The following PCM1 variants were observed in gnomAD, a reference collection of about 807,000 sequenced individuals.
The protein encoded by PCM1 is pericentriolar material 1.
In PCM1, 157 loss-of-function variants were observed where a neutral mutation model predicts 241.9. The observed-to-expected ratio is 0.65, with a 90% CI of 0.57 to 0.74. PCM1 has a LOEUF of 0.74. PCM1 is among the 30% of genes least tolerant of loss of function. The pLI, the probability that PCM1 is intolerant of heterozygous loss-of-function variation, is 0.00. For missense variants in PCM1, 3,478 were observed against 2,360.1 expected, an observed-to-expected ratio of 1.47 and a Z score of -9.81; for synonymous variants, 1,085 against 784.9, an observed-to-expected ratio of 1.38 and a Z score of -6.39.
intron 35 of PCM1, 22 bp from the exon 36 acceptor site, chr8:18,014,562 T>TAA: frequency 6.3e-7 from 1 of 1,582,324 alleles, no homozygotes; most frequent in Non-Finnish European, 8.6e-7. Flanking sequence ...ACACTAATGT[T>TAA]AAGACTTTCT....
chr8:17,979,551 G>T (rs1458902599), intron 23 of PCM1, among the ~76,000 whole-genome samples: 1 of 152,154 alleles, frequency 6.6e-6, no homozygotes, highest in East Asian at 1.9e-4. Context: ...CTAAGTGTTT[G>T]AGTGGGGGGT....
At chr8:17,967,741 C>T (rs760882967) in intron 21 of PCM1, among the ~76,000 whole-genome samples, 1 of 152,214 alleles carries the variant, frequency 6.6e-6, no homozygotes, top group African/African-American at 2.4e-5. Context: ...ATACTAGGCA[C>T]TGTGTAAAAC....
intron 2 of PCM1, among the ~76,000 whole-genome samples, 164 bp from the exon 3 acceptor site, chr8:17,935,425 C>T (rs1326046471): frequency 6.6e-6 from 1 of 152,124 alleles, no homozygotes; most frequent in Non-Finnish European, 1.5e-5. Flanking sequence ...CATAATATGC[C>T]TGTCACAGCT....
At chr8:18,026,351 A>G (rs1351041289) in intron 38 of PCM1, among the ~76,000 whole-genome samples, 3 of 140,176 alleles carry the variant, frequency 2.1e-5, no homozygotes, top group East Asian at 4.4e-4. Flanking sequence ...TCCGCCTCCC[A>G]GGTTCGCGCC....
chr8:17,998,280 TA>T (rs1358782516), intron 29 of PCM1, among the ~76,000 whole-genome samples: 2 of 152,070 alleles, frequency 1.3e-5, no homozygotes, highest in Admixed American at 1.3e-4. Context: ...ATTGAAGAGT[TA>T]TATATAGGCC....
In PCM1 at chr8:17,966,344, T is replaced by A; in HGVS notation, c.3092T>A (p.Leu1031Gln). The change falls in exon 20 of 39, where the codon CTA becomes CAA. Residue 1031 changes from leucine to glutamine, a missense_variant. Leu to Gln is a moderately radical substitution (Grantham distance 113). Transcript: ENST00000325083. ...TTTCAATAGACTCTATCTTGTCTGC[T>A]ACAAACTCTTCTCACGGGTCCTTAC... ...MQDQQTLSCL[L>Q]QTLLTGPYSV... 1 of 1,613,894 alleles carries A rather than the reference T, an allele frequency of 6.2e-7. No homozygotes were observed. Among genetic ancestry groups the A allele is most frequent in the South Asian group, 1.1e-5 (1 of 91,084 alleles).
chr8:17,957,725 G>A lies in PCM1; in HGVS notation c.1990G>A (p.Ala664Thr). ...TGAACAGAAGATCAACCGACTTATG[G>A]CTGCAAAACAGAAACTTAGACAGTT... is the stretch of plus-strand genomic sequence containing the variant. ...EFEQKINRLMAAKQKLRQLQD... is the reference protein window; with the variant it reads ...EFEQKINRLMTAKQKLRQLQD... Residue 664 changes from alanine to threonine, a missense_variant, in exon 13 of 39, where the codon GCT becomes ACT. Transcript: ENST00000325083. 1 of 1,613,662 alleles carries A rather than the reference G, an allele frequency of 6.2e-7. No homozygotes were observed.
intron 2 of PCM1, among the ~76,000 whole-genome samples, chr8:17,928,727 G>T (rs2057996414): frequency 6.8e-6 from 1 of 148,112 alleles, no homozygotes; most frequent in Non-Finnish European, 1.5e-5. Context: ...TGCCTCCCGG[G>T]TTCAAACGAT....
chr8:17,962,300 C>A, intron 16 of PCM1, 126 bp downstream of exon 16: 1 of 628,354 alleles, frequency 1.6e-6, no homozygotes, highest in Non-Finnish European at 2.5e-6. Flanking sequence ...TAGTAGTCTG[C>A]TTTGTGCCTT....
chr8:17,940,177 A>AT, intron 6 of PCM1: 1 of 1,267,838 alleles, frequency 7.9e-7, no homozygotes, highest in Non-Finnish European at 1.1e-6. Flanking sequence ...CTTTTTGGTA[A>AT]TTAAAGTGCT....
Position 17,985,581 on chromosome 8 carries a change from A to T in PCM1, c.4243A>T (p.Thr1415Ser), listed in dbSNP as rs1253876553. 3.1e-6 allele frequency: 5 copies of T among 1,607,996 alleles called. No homozygotes were observed. The highest frequency in any genetic ancestry group is 4.2e-6 in the Non-Finnish European group (5 of 1,176,692). The change falls in exon 25 of 39, where the codon ACA (threonine) becomes TCA (serine). Residue 1415 changes from threonine to serine, a missense_variant. Thr to Ser is a moderately conservative substitution (Grantham distance 58, BLOSUM62 1). Coordinates refer to ENST00000325083, the MANE Select transcript of PCM1 (RefSeq NM_006197.4). Reference sequence around the variant, plus strand: ...CTTCCATGAGCTGCAGCTACTAAACACAGACTACTTGAGACAGAGGGCTTT... The same window carrying T: ...CTTCCATGAGCTGCAGCTACTAAACTCAGACTACTTGAGACAGAGGGCTTT... ...ELFHELQLLN[T>S]DYLRQRALYA... is the part of the protein sequence containing the mutation.
chr8:17,952,222 C>T (rs1279773884), intron 8 of PCM1, among the ~76,000 whole-genome samples: 1 of 83,512 alleles, frequency 1.2e-5, no homozygotes, highest in Non-Finnish European at 2.3e-5. Flanking sequence ...GACTTTGTCT[C>T]AAAAATAAAT....
chr8:18,012,149 C>T (rs190622999), intron 34 of PCM1, among the ~76,000 whole-genome samples: 1 of 152,214 alleles, frequency 6.6e-6, no homozygotes, highest in East Asian at 1.9e-4. Context: ...CATGAGCCAC[C>T]ACACCCATCC....
At chr8:17,926,403 T>G (rs776951294) in intron 2 of PCM1, 1 of 152,350 alleles carries the variant, frequency 6.6e-6, no homozygotes, top group Admixed American at 6.5e-5. Context: ...ATTTGAGTGC[T>G]AGGCAACGTG....
intron 38 of PCM1, 109 bp downstream of exon 38, chr8:18,025,767 C>A: frequency 1.3e-5 from 8 of 621,846 alleles, no homozygotes; most frequent in South Asian, 2.2e-5. Flanking sequence ...GAGATTTAAG[C>A]CAAATACTAG....
intron 24 of PCM1, among the ~76,000 whole-genome samples, chr8:17,984,392 T>TAG (rs2081931407): frequency 6.6e-6 from 1 of 152,056 alleles, no homozygotes; most frequent in Non-Finnish European, 1.5e-5. Flanking sequence ...ATTTTTGTGA[T>TAG]AGTTCATACC....
In PCM1 at chr8:17,957,304, C is replaced by T. The variant is rs1481479887; in HGVS notation, c.1687C>T (p.His563Tyr). ...VASTWNEVNSHSNAQCVSNNR... is the reference protein window; with the variant it reads ...VASTWNEVNSYSNAQCVSNNR... ...TTCCACTTGGAATGAAGTAAATAGT[C>T]ATAGTAATGCACAGTGTGTTTCTAA... The change falls in exon 12 of 39, where the codon CAT becomes TAT. Residue 563 changes from histidine (H) to tyrosine (Y), a missense_variant. By Grantham distance (83) the His-to-Tyr change is moderately conservative. Transcript: ENST00000325083. 6 of 1,609,106 alleles carry T rather than the reference C, an allele frequency of 3.7e-6. No homozygotes were observed. The African/African-American group carries it at 8.0e-5, about 22-fold the overall frequency.
intron 36 of PCM1, among the ~76,000 whole-genome samples, chr8:18,016,073 A>G (rs760212020): frequency 7.9e-5 from 12 of 152,162 alleles, no homozygotes; most frequent in African/African-American, 2.7e-4. Flanking sequence ...TATTTTTAGT[A>G]GAGACAGGGT....
chr8:17,955,293 AC>A (rs1358194506), intron 9 of PCM1, among the ~76,000 whole-genome samples, 176 bp from the exon 10 acceptor site: 1 of 152,170 alleles, frequency 6.6e-6, no homozygotes, highest in African/African-American at 2.4e-5. Flanking sequence ...AAGTCTTTGT[AC>A]ATTTTGATGT....
Sources: allele counts gnomAD v4.1 joint callset (sites outside exome capture counted in the v4.1 genomes callset), GRCh38; gene constraint gnomAD v4.1.1; transcripts MANE v1.5; gene names NCBI Gene and HGNC (gene_info 2026-07-23, HGNC 2026-07-21).